Variants in CCDC13 observed in about 807,000 individuals in gnomAD.
CCDC13 encodes coiled-coil domain-containing protein 13.
Under a neutral mutation model 87.3 loss-of-function variants are expected in CCDC13, and 70 were observed. The observed-to-expected ratio is 0.80, with a 90% confidence interval of 0.66 to 0.98. The LOEUF is 0.98. Ranked by LOEUF, CCDC13 falls within the 50% of genes least tolerant of loss-of-function variation. The probability of loss-of-function intolerance (pLI) is 0.00; values close to 1 mark genes in which losing one functional copy is unlikely to be tolerated. For missense variants in CCDC13, 842 were observed against 892.0 expected (o/e 0.94, Z 0.71); for synonymous variants, 317 against 360.3 (o/e 0.88, Z 1.36).
intron 5 of CCDC13, among the ~76,000 whole-genome samples, chr3:42,748,816 A>G (rs1699491427): frequency 6.6e-6 from 1 of 152,142 alleles, no homozygotes; most frequent in African/African-American, 2.4e-5. Flanking sequence ...TATATGAAAC[A>G]TAATCTCAGC....
intron 1 of CCDC13, among the ~76,000 whole-genome samples, chr3:42,767,101 A>C (rs1699946929): frequency 6.6e-6 from 1 of 152,182 alleles, no homozygotes; most frequent in Non-Finnish European, 1.5e-5. Context: ...TATTTTGGAA[A>C]GGAAGAAATA....
intron 9 of CCDC13, among the ~76,000 whole-genome samples, chr3:42,737,222 A>G (rs12492790): frequency 0.48 from 73,349 of 151,892 alleles, 17,786 homozygotes; most frequent in South Asian, 0.58. Flanking sequence ...CTTCATCCAT[A>G]TCCCTGCAAA....
chr3:42,743,600 T>TATACATAC, intron 7 of CCDC13, among the ~76,000 whole-genome samples: 1 of 125,796 alleles, frequency 7.9e-6, no homozygotes, highest in Non-Finnish European at 1.6e-5. Flanking sequence ...TATATATATA[T>TATACATAC]ACACACACAC....
At chr3:42,747,636 T>C (rs1699450621) in intron 5 of CCDC13, among the ~76,000 whole-genome samples, 1 of 152,220 alleles carries the variant, frequency 6.6e-6, no homozygotes, top group Admixed American at 6.5e-5. Flanking sequence ...TCCTGGCAGC[T>C]TAACTTTGGG....
chr3:42,733,411 C>A, intron 11 of CCDC13, 59 bp downstream of exon 11: 3 of 1,599,862 alleles, frequency 1.9e-6, no homozygotes, highest in Non-Finnish European at 2.6e-6. Flanking sequence ...CAAGAAACAA[C>A]CTTTCTTCCG....
At chr3:42,716,628 C>T (rs1242990979) in intron 13 of CCDC13, among the ~76,000 whole-genome samples, 1 of 152,082 alleles carries the variant, frequency 6.6e-6, no homozygotes, top group Non-Finnish European at 1.5e-5. Flanking sequence ...CAAATCCAAA[C>T]CACAAAGAGA....
chr3:42,731,023 G>T (rs1271013893), intron 12 of CCDC13, among the ~76,000 whole-genome samples: 1 of 152,030 alleles, frequency 6.6e-6, no homozygotes, highest in Non-Finnish European at 1.5e-5. Flanking sequence ...TGGTCCCCAA[G>T]CCCAGCCCAC....
intron 3 of CCDC13, among the ~76,000 whole-genome samples, chr3:42,753,079 C>T (rs1355751195): frequency 3.3e-5 from 5 of 152,170 alleles, no homozygotes; most frequent in Non-Finnish European, 7.4e-5. Flanking sequence ...GGATGTAGTC[C>T]CCTTGGGCCT....
At chr3:42,752,470 C>T (rs759305159) in intron 4 of CCDC13, 105 bp downstream of exon 4, 3 of 1,444,384 alleles carry the variant, frequency 2.1e-6, no homozygotes, top group Non-Finnish European at 2.8e-6. Flanking sequence ...AGCCTCTTAA[C>T]CTTCCAACTT....
chr3:42,743,587 T>TTATATATATATATATATA (rs1553690701), intron 7 of CCDC13, among the ~76,000 whole-genome samples: 14 of 97,670 alleles, frequency 1.4e-4, no homozygotes, highest in East Asian at 3.6e-4. Context: ...CTGGATAATT[T>TTATATATATATATATATA]TATATATATA....
Position 42,735,888 on chromosome 3 carries a change from A to T in CCDC13, c.1190T>A (p.Ile397Asn). The T allele has an allele frequency of 6.2e-7, 1 of 1,613,990 alleles. No individual in the cohort carries two copies. The highest frequency in any genetic ancestry group is 8.5e-7 in the Non-Finnish European group (1 of 1,179,978). The change falls in exon 10 of 16, where the codon ATC (isoleucine) becomes AAC (asparagine). Residue 397 changes from isoleucine (I) to asparagine (N), a missense_variant. Ile to Asn is a moderately radical substitution (Grantham distance 149, BLOSUM62 -3). Coordinates refer to ENST00000310232, the MANE Select transcript of CCDC13 (RefSeq NM_144719.4). ...CTCCTGCAGACTCAGGCTGCCTAGGATCTCCTGTAGCTGCTTCAGCTGGTC... is the reference window on the plus strand; with the variant it reads ...CTCCTGCAGACTCAGGCTGCCTAGGTTCTCCTGTAGCTGCTTCAGCTGGTC... ...LMDQLKQLQEILGSLSLQEEK... is the reference protein window; with the variant it reads ...LMDQLKQLQENLGSLSLQEEK...
rs750392856 is a variant in CCDC13 at position 42,730,534 on chromosome 3, C to T, written c.1651G>A (p.Ala551Thr). ...TCCACCTCGGCAGCCTGCCAGAGGG[C>T]CTTGATCTCTGACACTTGTGCCTGC... ...GWQAQVSEIK[A>T]LWQAAEVERD... Residue 551 changes from alanine (A) to threonine (T), a missense_variant, in exon 13 of 16, where the codon GCC becomes ACC. Transcript: ENST00000310232. 1.9e-6 allele frequency: 3 copies of T among 1,614,168 alleles called. No individual in the cohort carries two copies. Among genetic ancestry groups the T allele is most frequent in the African/African-American group, 1.3e-5 (1 of 75,058 alleles).
chr3:42,727,398 T>C (rs1698716296), intron 13 of CCDC13, among the ~76,000 whole-genome samples: 1 of 151,484 alleles, frequency 6.6e-6, no homozygotes, highest in African/African-American at 2.4e-5. Context: ...AATAAATAAA[T>C]AAATAAATAA....
Position 42,758,234 on chromosome 3 carries a change from G to GT in CCDC13, c.111dup (p.Leu38ThrfsTer8), listed in dbSNP as rs747117672. 1.5e-5 allele frequency: 24 copies of GT among 1,613,984 alleles called. No homozygotes were observed. The highest frequency in any genetic ancestry group is 1.9e-5 in the Non-Finnish European group (23 of 1,180,032). ...TCGTCAGCTCTGCTTTTGAGGCTCA[G>GT]TTCTTTTTCCCTCTTTTTCTCCATC... On this transcript the variant is annotated frameshift_variant, in exon 2 of 16. Coordinates refer to ENST00000310232, the MANE Select transcript of CCDC13 (RefSeq NM_144719.4). LOFTEE classifies it high-confidence loss of function.
At chr3:42,750,832 T>C (rs974145583) in intron 5 of CCDC13, among the ~76,000 whole-genome samples, 2 of 152,200 alleles carry the variant, frequency 1.3e-5, no homozygotes, top group Non-Finnish European at 2.9e-5. Context: ...GAACAAGCAG[T>C]TTCCTATCCA....
intron 2 of CCDC13, among the ~76,000 whole-genome samples, chr3:42,757,697 A>G (rs975593995): frequency 2.6e-5 from 4 of 152,168 alleles, no homozygotes; most frequent in Non-Finnish European, 5.9e-5. Flanking sequence ...GGGTGACAGT[A>G]CAAGACTCTG....
chr3:42,769,257 T>C (rs1030397550), intron 1 of CCDC13, among the ~76,000 whole-genome samples: 2 of 152,050 alleles, frequency 1.3e-5, no homozygotes, highest in African/African-American at 2.4e-5. Context: ...AATCAGGAAA[T>C]TGCAAATTAA....
At chr3:42,747,629 TG>T (rs1345223734) in intron 5 of CCDC13, among the ~76,000 whole-genome samples, 3 of 152,228 alleles carry the variant, frequency 2.0e-5, no homozygotes, top group East Asian at 1.9e-4. Flanking sequence ...ATTTGAATCC[TG>T]GCAGCTTAAC....
At chr3:42,756,950 G>C in intron 3 of CCDC13, 116 bp downstream of exon 3, 1 of 1,056,224 alleles carries the variant, frequency 9.5e-7, no homozygotes, top group African/African-American at 1.6e-5. Flanking sequence ...GGACAAGCTT[G>C]ATCACAACTG....
Sources: gnomAD v4.1 joint callset for allele counts (sites outside exome capture counted in the v4.1 genomes callset) on GRCh38, gnomAD v4.1.1 for gene constraint, MANE v1.5 for transcripts, NCBI Gene and HGNC (gene_info 2026-07-23, HGNC 2026-07-21) for gene names.